The following GALNT13 variants were observed in gnomAD, a reference collection of about 807,000 sequenced individuals.
The protein encoded by GALNT13 is polypeptide N-acetylgalactosaminyltransferase 13, also known as UDP-GalNAc:polypeptide N-acetylgalactosaminyltransferase 13.
In GALNT13, 28 loss-of-function variants were observed where a neutral mutation model predicts 64.2. That is an observed-to-expected ratio of 0.44 (90% confidence interval 0.32 to 0.60). The LOEUF (loss-of-function observed/expected upper bound fraction) is 0.60, where lower values mean the gene tolerates loss of function less well. Among genes scored for constraint, GALNT13 ranks in the 20% least tolerant of loss-of-function variants. GALNT13 has a pLI of 0.05. For missense variants in GALNT13, 577 were observed against 669.8 expected (o/e 0.86, Z 1.53); for synonymous variants, 214 against 224.6 (o/e 0.95, Z 0.42).
the GALNT13 span, among the ~76,000 whole-genome samples, chr2:153,439,035 A>G: frequency 1.3e-5 from 2 of 152,054 alleles, no homozygotes; most frequent in Non-Finnish European, 2.9e-5. Flanking sequence ...TTTTCCTTCT[A>G]ACAGTCAGGA....
chr2:153,126,294 T>TTATATATATATA, the GALNT13 span, among the ~76,000 whole-genome samples: 5 of 50,954 alleles, frequency 9.8e-5, 1 homozygote, highest in South Asian at 1.1e-3. Flanking sequence ...AGTATTGATT[T>TTATATATATATA]TGTATATATA....
At chr2:154,394,332 CCATAAATAAAG>C (rs1194313660) in intron 9 of GALNT13, among the ~76,000 whole-genome samples, 1 of 151,966 alleles carries the variant, frequency 6.6e-6, no homozygotes, top group Admixed American at 6.6e-5. Context: ...ATTTCATTGT[CCATAAATAAAG>C]TTTTATTGGA....
At chr2:154,114,151 T>C (rs1703145125) in intron 3 of GALNT13, among the ~76,000 whole-genome samples, 1 of 152,128 alleles carries the variant, frequency 6.6e-6, no homozygotes, top group African/African-American at 2.4e-5. Flanking sequence ...CCTCCAGAGA[T>C]GCAATATTGT....
chr2:153,130,064 C>T, the GALNT13 span, among the ~76,000 whole-genome samples: 4 of 152,216 alleles, frequency 2.6e-5, no homozygotes, highest in African/African-American at 9.6e-5. Flanking sequence ...CATCTGTTTT[C>T]CTCCCCTACC....
chr2:154,417,505 A>ATTTTTTTTT (rs979460063), intron 11 of GALNT13, among the ~76,000 whole-genome samples: 8 of 136,358 alleles, frequency 5.9e-5, no homozygotes, highest in Non-Finnish European at 4.6e-5. Context: ...TTATTTATTT[A>ATTTTTTTTT]TTTATTTATT....
At chr2:153,738,868 C>A in the GALNT13 span, among the ~76,000 whole-genome samples, 1 of 151,794 alleles carries the variant, frequency 6.6e-6, no homozygotes, top group Non-Finnish European at 1.5e-5. Context: ...CTTTTTCCTT[C>A]AGTTTTTTTA....
chr2:153,244,460 A>C, the GALNT13 span, among the ~76,000 whole-genome samples: 1 of 152,198 alleles, frequency 6.6e-6, no homozygotes, highest in Non-Finnish European at 1.5e-5. Context: ...TACCAAGTTT[A>C]TCTCACTGGT....
At chr2:153,780,236 T>TATATATATATGC in the GALNT13 span, among the ~76,000 whole-genome samples, 1 of 11,212 alleles carries the variant, frequency 8.9e-5, no homozygotes, top group Non-Finnish European at 6.9e-4. Flanking sequence ...TATATATATA[T>TATATATATATGC]ATATATATAT....
chr2:153,816,732 T>G, the GALNT13 span, among the ~76,000 whole-genome samples: 1 of 152,158 alleles, frequency 6.6e-6, no homozygotes, highest in Admixed American at 6.5e-5. Context: ...AGAGACAAAT[T>G]TGTGGCAAGG....
chr2:153,161,589 A>G, the GALNT13 span, among the ~76,000 whole-genome samples: 1 of 151,820 alleles, frequency 6.6e-6, no homozygotes, highest in Non-Finnish European at 1.5e-5. Context: ...TGTCAGGAAG[A>G]TATCTAGAAA....
the GALNT13 span, chr2:153,421,340 T>C: frequency 1.4e-5 from 3 of 217,358 alleles, no homozygotes; most frequent in Non-Finnish European, 3.1e-5. Flanking sequence ...GGGTGCTCAG[T>C]ATTGGGGTTT....
chr2:153,836,972 G>A, the GALNT13 span, among the ~76,000 whole-genome samples: 107,661 of 151,694 alleles, frequency 0.71, 39,994 homozygotes, highest in Non-Finnish European at 0.81. Flanking sequence ...AAACATACAT[G>A]TGCATGTGTC....
the GALNT13 span, among the ~76,000 whole-genome samples, chr2:153,840,456 T>C: frequency 3.9e-5 from 6 of 152,086 alleles, no homozygotes; most frequent in African/African-American, 1.4e-4. Context: ...AGCAACAATA[T>C]ATTTATCATA....
the GALNT13 span, among the ~76,000 whole-genome samples, chr2:153,284,909 C>G: frequency 3.3e-5 from 5 of 151,512 alleles, no homozygotes; most frequent in Non-Finnish European, 5.9e-5. Flanking sequence ...TAAACACACA[C>G]TTTTTGTGTT....
intron 3 of GALNT13, among the ~76,000 whole-genome samples, chr2:153,958,711 G>A (rs914540277): frequency 1.3e-5 from 2 of 152,126 alleles, no homozygotes; most frequent in East Asian, 1.9e-4. Flanking sequence ...GTAGCAAGGT[G>A]TTACAAATTA....
the GALNT13 span, among the ~76,000 whole-genome samples, chr2:153,173,599 A>C: frequency 1.2e-4 from 19 of 152,328 alleles, 1 homozygote; most frequent in South Asian, 3.7e-3. Context: ...CTGAGGTACT[A>C]GGGTATATCT....
the GALNT13 span, chr2:153,420,682 C>T: frequency 4.5e-6 from 1 of 224,666 alleles, no homozygotes; most frequent in Non-Finnish European, 9.8e-6. Flanking sequence ...TAGTGTTCCC[C>T]TTCTTTTTCT....
At chr2:153,656,339 T>TGCGC in the GALNT13 span, among the ~76,000 whole-genome samples, 7 of 141,580 alleles carry the variant, frequency 4.9e-5, no homozygotes, top group Non-Finnish European at 8.0e-5. Flanking sequence ...TGTGTGTGTG[T>TGCGC]GCGCGCGCAC....
At chr2:153,577,932 G>A in the GALNT13 span, among the ~76,000 whole-genome samples, 2 of 150,794 alleles carry the variant, frequency 1.3e-5, no homozygotes, top group South Asian at 2.1e-4. Flanking sequence ...TTAAACACAG[G>A]TAGTCACACA....
Sources: gnomAD v4.1 joint callset for allele counts (sites outside exome capture counted in the v4.1 genomes callset) on GRCh38, gnomAD v4.1.1 for gene constraint, MANE v1.5 for transcripts, NCBI Gene and HGNC (gene_info 2026-07-23, HGNC 2026-07-21) for gene names.